The following ZBTB44 variants were observed in gnomAD, a reference collection of about 807,000 sequenced individuals.
The protein encoded by ZBTB44 is zinc finger and BTB domain containing 44.
In ZBTB44, 15 loss-of-function variants were observed where a neutral mutation model predicts 54.0. The ratio of observed to expected loss-of-function variants is 0.28; its 90% CI spans 0.19 to 0.43. ZBTB44 has a LOEUF of 0.43. Ranked by LOEUF, ZBTB44 falls within the 20% of genes least tolerant of loss-of-function variation. ZBTB44 has a pLI of 1.00. For synonymous variants in ZBTB44, 230 were observed against 250.1 expected (o/e 0.92, Z 0.76); for missense variants, 487 against 707.1 (o/e 0.69, Z 3.53).
intron 1 of ZBTB44, among the ~76,000 whole-genome samples, chr11:130,283,034 CCT>C (rs1940647966): frequency 1.4e-5 from 2 of 144,590 alleles, no homozygotes; most frequent in South Asian, 4.3e-4. Context: ...GCCATTCTAA[CCT>C]TTTTTTTTTT....
intron 1 of ZBTB44, among the ~76,000 whole-genome samples, chr11:130,280,957 C>T (rs992060482): frequency 2.4e-4 from 37 of 152,138 alleles, no homozygotes; most frequent in African/African-American, 8.7e-4. Context: ...TTTTAGCATC[C>T]AGTCTTACTA....
intron 5 of ZBTB44, 22 bp downstream of exon 5, chr11:130,236,771 G>T: frequency 7.6e-7 from 1 of 1,319,632 alleles, no homozygotes; most frequent in South Asian, 2.2e-5. Flanking sequence ...TTTCCTGGTT[G>T]GGTTTTCGTT....
At chr11:130,232,359 T>C (rs1002692437) in intron 7 of ZBTB44, 7 of 152,214 alleles carry the variant, frequency 4.6e-5, no homozygotes, top group Non-Finnish European at 1.0e-4. Context: ...TCACTGCTCA[T>C]GGACTTACAA....
intron 1 of ZBTB44, among the ~76,000 whole-genome samples, chr11:130,284,845 G>GA (rs1344488908): frequency 6.6e-6 from 1 of 151,832 alleles, no homozygotes; most frequent in Non-Finnish European, 1.5e-5. Context: ...CACAGCCTGG[G>GA]AAACAGAGCG....
In ZBTB44 at chr11:130,251,006, C is replaced by T. The variant is rs184966447; in HGVS notation, c.1018+9850G>A. On this transcript the variant is annotated intron_variant, in intron 2 of 7. Coordinates refer to ENST00000357899, the MANE Select transcript of ZBTB44 (RefSeq NM_001301098.2). ...AACAAACTCCTCTCCACTAACGGAGCATGTTCTATCTCACCCAATGCAAGG... is the reference window on the plus strand; with the variant it reads ...AACAAACTCCTCTCCACTAACGGAGTATGTTCTATCTCACCCAATGCAAGG... Among the ~76,000 whole-genome samples the T allele has an allele frequency of 2.8e-3, 432 of 152,308 alleles. 1 individual carries two copies. The highest frequency in any genetic ancestry group is 4.4e-3 in the Non-Finnish European group (298 of 68,020).
intron 1 of ZBTB44, among the ~76,000 whole-genome samples, chr11:130,276,202 A>C (rs1247973474): frequency 2.1e-5 from 3 of 142,968 alleles, no homozygotes; most frequent in African/African-American, 8.0e-5. Context: ...TTCCAGCCTA[A>C]GCAACAAGAG....
chr11:130,294,805 T>C (rs1415131717), intron 1 of ZBTB44, among the ~76,000 whole-genome samples: 1 of 152,164 alleles, frequency 6.6e-6, no homozygotes, highest in Non-Finnish European at 1.5e-5. Flanking sequence ...TTATTTTATC[T>C]AGAAAGAAAG....
chr11:130,244,498 T>C (rs899489480), intron 2 of ZBTB44, among the ~76,000 whole-genome samples: 1 of 151,960 alleles, frequency 6.6e-6, no homozygotes, highest in African/African-American at 2.4e-5. Context: ...AAACCCCATC[T>C]CTACTAAAAG....
intron 1 of ZBTB44, among the ~76,000 whole-genome samples, chr11:130,286,723 T>A (rs757390630): frequency 4.6e-5 from 7 of 152,264 alleles, no homozygotes; most frequent in African/African-American, 7.2e-5. Flanking sequence ...GGAGACAGCA[T>A]GTCCACTAGG....
At position 130,260,966 on chromosome 11, in the gene ZBTB44, A is replaced by G; in HGVS notation, c.908T>C (p.Val303Ala). Residue 303 changes from valine to alanine, a missense_variant, in exon 2 of 8, where the codon GTG (valine) becomes GCG (alanine). Physicochemically the swap from Val to Ala is moderately conservative, Grantham distance 64. Transcript: ENST00000357899. ...RLSDEEVHEE[V>A]SQPVSASQSS... is the part of the protein sequence containing the mutation. ...CTGAGATGCACTGACAGGCTGGGAC[A>G]CTTCCTCATGGACCTCCTCATCACT... 2 of 1,613,982 alleles carry G rather than the reference A, an allele frequency of 1.2e-6. No individual in the cohort carries two copies. The highest frequency in any genetic ancestry group is 8.5e-7 in the Non-Finnish European group (1 of 1,179,882).
chr11:130,292,506 TA>T (rs1478486606), intron 1 of ZBTB44, among the ~76,000 whole-genome samples: 1 of 152,020 alleles, frequency 6.6e-6, no homozygotes, highest in African/African-American at 2.4e-5. Context: ...AACAAGATCA[TA>T]AGAAAAAAAT....
In ZBTB44 at chr11:130,260,889, C is replaced by T; in HGVS notation, c.985G>A (p.Asp329Asn). The T allele has an allele frequency of 6.2e-7, 1 of 1,613,838 alleles. No homozygotes were observed. The highest frequency in any genetic ancestry group is 8.5e-7 in the Non-Finnish European group (1 of 1,179,840). Residue 329 changes from aspartate to asparagine, a missense_variant, in exon 2 of 8, where the codon GAC becomes AAC. Coordinates refer to ENST00000357899, the MANE Select transcript of ZBTB44 (RefSeq NM_001301098.2). ...GAAGACTGTGGACTAATCAGAAGGTCCTCTTGGACTTGTTCACTTCCTGGA... is the reference window on the plus strand; with the variant it reads ...GAAGACTGTGGACTAATCAGAAGGTTCTCTTGGACTTGTTCACTTCCTGGA... ...TVPGSEQVQE[D>N]LLISPQSSSI...
At chr11:130,296,630 A>G in intron 1 of ZBTB44, 2 of 903,226 alleles carry the variant, frequency 2.2e-6, no homozygotes, top group Non-Finnish European at 1.9e-6. Flanking sequence ...TGCCTTGCCC[A>G]TTTTGGGCCC....
chr11:130,311,371 G>A (rs1385348), intron 1 of ZBTB44, among the ~76,000 whole-genome samples: 1 of 151,940 alleles, frequency 6.6e-6, no homozygotes, highest in African/African-American at 2.4e-5. Flanking sequence ...ACCACGCCTG[G>A]CTAATTTTTT....
intron 1 of ZBTB44, among the ~76,000 whole-genome samples, chr11:130,267,295 G>C (rs891870484): frequency 3.3e-5 from 5 of 152,042 alleles, no homozygotes; most frequent in African/African-American, 9.7e-5. Context: ...GGCAGAGGTT[G>C]GTTGGTTCAT....
At chr11:130,287,637 C>G (rs1022955237) in intron 1 of ZBTB44, among the ~76,000 whole-genome samples, 1 of 152,106 alleles carries the variant, frequency 6.6e-6, no homozygotes, top group Non-Finnish European at 1.5e-5. Flanking sequence ...GTACTTGCAA[C>G]AAATCCTGCA....
At position 130,236,876 on chromosome 11, in the gene ZBTB44, C is replaced by T; in HGVS notation, c.1485G>A (p.Met495Ile). The T allele has an allele frequency of 6.5e-7, 1 of 1,532,400 alleles. No homozygotes were observed. The allele number at this position is 1,532,400 out of a possible 1,614,324, so 94.9% of individuals were successfully genotyped here. Reference sequence around the variant, plus strand: ...CGATTAAATTTCCAGAGTTGGTGAACATGGCGCCACATGTTTTGCACTCGT... The same window carrying T: ...CGATTAAATTTCCAGAGTTGGTGAATATGGCGCCACATGTTTTGCACTCGT... ...RIYECKTCGA[M>I]FTNSGNLIVH... The change falls in exon 5 of 8, where the codon ATG (methionine) becomes ATA (isoleucine). Residue 495 changes from methionine to isoleucine, a missense_variant. Met to Ile is a conservative substitution (Grantham distance 10, BLOSUM62 1). Coordinates refer to ENST00000357899, the MANE Select transcript of ZBTB44 (RefSeq NM_001301098.2).
chr11:130,273,808 T>C (rs886184899), intron 1 of ZBTB44, among the ~76,000 whole-genome samples: 1 of 152,076 alleles, frequency 6.6e-6, no homozygotes, highest in Admixed American at 6.5e-5. Context: ...GTGGCTCACA[T>C]CTGTAATCCC....
intron 1 of ZBTB44, among the ~76,000 whole-genome samples, chr11:130,305,398 TA>T (rs1316709074): frequency 6.6e-6 from 1 of 152,126 alleles, no homozygotes; most frequent in Non-Finnish European, 1.5e-5. Flanking sequence ...GGTACTGGTA[TA>T]AAAACAGGCA....
Sources: gnomAD v4.1 joint callset for allele counts (sites outside exome capture counted in the v4.1 genomes callset) on GRCh38, gnomAD v4.1.1 for gene constraint, MANE v1.5 for transcripts, NCBI Gene and HGNC (gene_info 2026-07-23, HGNC 2026-07-21) for gene names.